The following GABRG3 variants were observed in gnomAD, a reference collection of about 807,000 sequenced individuals.
GABRG3 encodes gamma-aminobutyric acid type A receptor subunit gamma3.
In GABRG3, 25 loss-of-function variants were observed where a neutral mutation model predicts 48.8. The observed-to-expected ratio is 0.51, with a 90% CI of 0.37 to 0.72. The LOEUF (loss-of-function observed/expected upper bound fraction) is 0.72, where lower values mean the gene tolerates loss of function less well. GABRG3 is among the 30% of genes least tolerant of loss of function. The pLI, the probability that GABRG3 is intolerant of heterozygous loss-of-function variation, is 0.00. For synonymous variants in GABRG3, 227 were observed against 217.6 expected, an observed-to-expected ratio of 1.04 and a Z score of -0.38; for missense variants, 394 against 577.9, an observed-to-expected ratio of 0.68 and a Z score of 3.26.
chr15:27,305,311 A>C (rs1240415527), intron 3 of GABRG3, among the ~76,000 whole-genome samples: 2 of 151,520 alleles, frequency 1.3e-5, no homozygotes, highest in East Asian at 3.9e-4. Flanking sequence ...AAATGTAACA[A>C]AATGTGTACA....
intron 3 of GABRG3, among the ~76,000 whole-genome samples, chr15:27,294,223 C>CT (rs1162063750): frequency 0.12 from 15,236 of 129,284 alleles, 2,589 homozygotes; most frequent in African/African-American, 0.38. Context: ...TTTCTTTTTC[C>CT]TTTTTTTTTT....
chr15:27,312,763 G>A (rs2140508070), intron 3 of GABRG3, among the ~76,000 whole-genome samples: 2 of 151,922 alleles, frequency 1.3e-5, no homozygotes, highest in Middle Eastern at 3.4e-3. Context: ...CTGCCTTACG[G>A]GAAATGTTAA....
chr15:27,270,075 AGTC>A (rs1891034021), intron 3 of GABRG3, among the ~76,000 whole-genome samples: 1 of 152,352 alleles, frequency 6.6e-6, no homozygotes, highest in Middle Eastern at 3.4e-3. Context: ...GCAAAAGGGA[AGTC>A]AGGAATAGAT....
intron 5 of GABRG3, among the ~76,000 whole-genome samples, chr15:27,406,855 G>A (rs1347616329): frequency 6.6e-6 from 1 of 152,132 alleles, no homozygotes; most frequent in African/African-American, 2.4e-5. Flanking sequence ...AACGTAGATG[G>A]GAACTCCGTA....
In GABRG3 at chr15:27,474,466, A is replaced by G. The variant is rs552079071; in HGVS notation, c.575-6184A>G. On this transcript the variant is annotated intron_variant, in intron 5 of 9. Transcript: ENST00000615808. ...CAAATGGGACAGGAGGTCTTTTCTA[A>G]TGATTCAAAATTATCCACAAAAAAA... 1.4e-4 allele frequency among the ~76,000 whole-genome samples: 22 copies of G among 152,268 alleles called. No homozygotes were observed. The East Asian group carries it at 2.9e-3, about 20-fold the overall frequency.
At chr15:27,020,293 A>C (rs1024802560) in intron 2 of GABRG3, among the ~76,000 whole-genome samples, 5 of 152,124 alleles carry the variant, frequency 3.3e-5, no homozygotes, top group African/African-American at 1.2e-4. Flanking sequence ...GCAGCTCTTT[A>C]GGGATTCCCT....
At chr15:27,190,083 A>G (rs1888242672) in intron 3 of GABRG3, among the ~76,000 whole-genome samples, 1 of 152,162 alleles carries the variant, frequency 6.6e-6, no homozygotes, top group Non-Finnish European at 1.5e-5. Flanking sequence ...AGCCCACTTG[A>G]TCATGGTGGA....
intron 3 of GABRG3, among the ~76,000 whole-genome samples, chr15:27,295,891 C>T (rs1891966937): frequency 6.6e-6 from 1 of 152,186 alleles, no homozygotes; most frequent in South Asian, 2.1e-4. Flanking sequence ...TAGCATTCTG[C>T]TTTTCCCAGA....
chr15:27,314,204 C>A (rs749882718), intron 3 of GABRG3, among the ~76,000 whole-genome samples: 60 of 152,240 alleles, frequency 3.9e-4, no homozygotes, highest in Non-Finnish European at 7.4e-4. Flanking sequence ...TGAAGTCCTA[C>A]AATTTGACAC....
chr15:27,301,499 AGG>A (rs904853623), intron 3 of GABRG3, among the ~76,000 whole-genome samples: 2 of 152,166 alleles, frequency 1.3e-5, no homozygotes, highest in Non-Finnish European at 2.9e-5. Context: ...CAGGGGAAGA[AGG>A]GGAATGGCAC....
chr15:27,198,387 AT>A, intron 3 of GABRG3, among the ~76,000 whole-genome samples: 1 of 152,360 alleles, frequency 6.6e-6, no homozygotes, highest in East Asian at 1.9e-4. Flanking sequence ...CAAAAAACAT[AT>A]GAAAAAAAGA....
At position 27,489,099 on chromosome 15, in the gene GABRG3, A is replaced by C. The variant is rs147851739; in HGVS notation, c.712+8312A>C. Among the ~76,000 whole-genome samples, 705 of 150,742 alleles carry C rather than the reference A, an allele frequency of 4.7e-3. 4 individuals are homozygous for C. The highest frequency in any genetic ancestry group is 0.016 in the African/African-American group (659 of 40,942). ...TGAGTCCATGTGTTCTCATTGTTCA[A>C]CTCCCACTTATGAGTGAGAACATGC... On this transcript the variant is annotated intron_variant, in intron 6 of 9. Transcript: ENST00000615808.
chr15:27,217,221 G>A (rs895164577), intron 3 of GABRG3, among the ~76,000 whole-genome samples: 87 of 152,270 alleles, frequency 5.7e-4, no homozygotes, highest in African/African-American at 2.0e-3. Context: ...ACTTGCACAC[G>A]TATGTTTATT....
At chr15:27,350,712 C>A (rs1010433947) in intron 5 of GABRG3, among the ~76,000 whole-genome samples, 1 of 152,102 alleles carries the variant, frequency 6.6e-6, no homozygotes, top group Non-Finnish European at 1.5e-5. Context: ...GTGAGGAAGT[C>A]CCCAGAGCCA....
rs1595680860 is a variant in GABRG3, at chr15:27,328,799, T to C, written c.492-7T>C. ...CTGAGCTAGACTGACACTTGGCTTT[T>C]TCGCAGGCTCACCATCAATGCTGAG... On this transcript the variant is annotated splice_polypyrimidine_tract_variant and splice_region_variant and intron_variant, in intron 4 of 9. Transcript: ENST00000615808. The C allele has an allele frequency of 6.2e-7, 1 of 1,613,826 alleles. No individual in the cohort carries two copies. The highest frequency in any genetic ancestry group is 1.3e-5 in the African/African-American group (1 of 75,060).
intron 3 of GABRG3, among the ~76,000 whole-genome samples, chr15:27,137,494 A>G (rs1374138976): frequency 6.6e-6 from 1 of 152,206 alleles, no homozygotes; most frequent in Non-Finnish European, 1.5e-5. Context: ...TACACCTGTG[A>G]AAAAAATCAC....
chr15:27,068,795 C>T (rs934778108), intron 3 of GABRG3, among the ~76,000 whole-genome samples: 1 of 152,128 alleles, frequency 6.6e-6, no homozygotes, highest in Non-Finnish European at 1.5e-5. Flanking sequence ...GTATCTTCTT[C>T]AAAAATGAAA....
chr15:27,038,942 C>A (rs1276688600), intron 3 of GABRG3, among the ~76,000 whole-genome samples: 3 of 152,162 alleles, frequency 2.0e-5, no homozygotes, highest in African/African-American at 7.2e-5. Context: ...CAAGGTGGCG[C>A]CTTATCAAAG....
chr15:27,164,403 C>A (rs903067186), intron 3 of GABRG3, among the ~76,000 whole-genome samples: 1 of 152,198 alleles, frequency 6.6e-6, no homozygotes, highest in East Asian at 1.9e-4. Context: ...AATACTACTA[C>A]CCCTAATGTT....
Sources: allele counts gnomAD v4.1 joint callset (sites outside exome capture counted in the v4.1 genomes callset), GRCh38; gene constraint gnomAD v4.1.1; transcripts MANE v1.5; gene names NCBI Gene and HGNC (gene_info 2026-07-23, HGNC 2026-07-21).